The following PPP1R17 variants were observed in gnomAD, a reference collection of about 807,000 sequenced individuals.
PPP1R17 encodes G-substrate.
A neutral mutation model predicts 15.9 loss-of-function variants in PPP1R17; 12 were observed. The ratio of observed to expected loss-of-function variants is 0.75; its 90% CI spans 0.48 to 1.22. PPP1R17 has a LOEUF of 1.22. Ranked by LOEUF, PPP1R17 falls within the 50% of genes most tolerant of loss-of-function variation. The probability of loss-of-function intolerance (pLI) is 0.00; values close to 1 mark genes in which losing one functional copy is unlikely to be tolerated. For synonymous variants in PPP1R17, 63 were observed against 64.5 expected (o/e 0.98, Z 0.11); for missense variants, 211 against 187.3 (o/e 1.13, Z -0.74).
intron 1 of PPP1R17, 29 bp from the exon 2 acceptor site, chr7:31,692,377 C>A: frequency 7.7e-7 from 1 of 1,301,116 alleles, no homozygotes; most frequent in Admixed American, 1.8e-5. Flanking sequence ...CAGAGCCATA[C>A]TTATTAACTG....
rs777197826 is a variant in PPP1R17 at position 31,697,000 on chromosome 7, G to A, written c.271G>A (p.Val91Ile). The change falls in exon 4 of 5, where the codon GTT (valine) becomes ATT (isoleucine). Residue 91 changes from valine (V) to isoleucine (I), a missense_variant. By Grantham distance (29) the Val-to-Ile change is conservative. Coordinates refer to ENST00000342032, the MANE Select transcript of PPP1R17 (RefSeq NM_006658.5). The stretch of plus-strand genomic sequence containing the variant: ...AGAACATTTAATTAAAAGATACGAT[G>A]TTCAAGAGAGACATCCAAAGGGCAA... Reference protein sequence around the residue: ...FSEHLIKRYDVQERHPKGKMI... With the variant: ...FSEHLIKRYDIQERHPKGKMI... The A allele has an allele frequency of 3.7e-6, 6 of 1,614,140 alleles. No individual in the cohort carries two copies. The African/African-American group carries it at 4.0e-5, about 11-fold the overall frequency.
At chr7:31,693,344 T>C (rs993653635) in intron 2 of PPP1R17, among the ~76,000 whole-genome samples, 4 of 152,252 alleles carry the variant, frequency 2.6e-5, no homozygotes, top group African/African-American at 9.6e-5. Context: ...GCAGCATTCA[T>C]TTATTCAACA....
At chr7:31,694,917 G>A (rs1792512503) in intron 2 of PPP1R17, among the ~76,000 whole-genome samples, 1 of 152,182 alleles carries the variant, frequency 6.6e-6, no homozygotes, top group Non-Finnish European at 1.5e-5. Context: ...TGGGCAAATA[G>A]GAGGGTTACA....
At chr7:31,688,155 C>T (rs1370767356) in intron 1 of PPP1R17, among the ~76,000 whole-genome samples, 1 of 152,158 alleles carries the variant, frequency 6.6e-6, no homozygotes, top group African/African-American at 2.4e-5. Context: ...AGGACCTGGG[C>T]TCGGGACTCC....
intron 1 of PPP1R17, among the ~76,000 whole-genome samples, chr7:31,690,716 G>T (rs1366959439): frequency 6.6e-6 from 1 of 152,194 alleles, no homozygotes; most frequent in Non-Finnish European, 1.5e-5. Flanking sequence ...TACCTTTCAA[G>T]GGTCGGGGAG....
At chr7:31,696,939 C>T in intron 3 of PPP1R17, 26 bp from the exon 4 acceptor site, 1 of 1,610,114 alleles carries the variant, frequency 6.2e-7, no homozygotes, top group Non-Finnish European at 8.5e-7. Flanking sequence ...GATCCTGTTT[C>T]TCTCTGTGTT....
chr7:31,701,684 TGA>T (rs748356603), intron 4 of PPP1R17, among the ~76,000 whole-genome samples: 1 of 152,236 alleles, frequency 6.6e-6, no homozygotes, highest in Non-Finnish European at 1.5e-5. Context: ...ACTGTCATCT[TGA>T]GAGATTGCCA....
At chr7:31,701,812 A>G (rs1364080118) in intron 4 of PPP1R17, among the ~76,000 whole-genome samples, 2 of 152,244 alleles carry the variant, frequency 1.3e-5, no homozygotes, top group East Asian at 3.8e-4. Flanking sequence ...TTTTAGCAAT[A>G]AAGTATTTTT....
rs1793120830 is a variant in PPP1R17, at chr7:31,707,463, T to C, written c.*180T>C. The C allele has an allele frequency of 1.7e-6, 1 of 581,968 alleles. No individual in the cohort carries two copies. The highest frequency in any genetic ancestry group is 3.0e-6 in the Non-Finnish European group (1 of 328,822). The allele number at this position is 581,968 out of a possible 1,614,324, so 36.1% of individuals were successfully genotyped here. A position where few individuals can be genotyped will look rare whatever the true frequency, so the allele number is the denominator to read the frequency against. On this transcript the variant is annotated 3_prime_UTR_variant, in exon 5 of 5. Transcript: ENST00000342032. Reference sequence around the variant, plus strand: ...CAGTCACCTCTTTGTCTCTCTCTTCTTTCTGAGTATGGTTTCTATTCTGTG... The same window carrying C: ...CAGTCACCTCTTTGTCTCTCTCTTCCTTCTGAGTATGGTTTCTATTCTGTG...
rs1459978547 is a variant in PPP1R17 at position 31,697,111 on chromosome 7, G to C, written c.382G>C (p.Ala128Pro). ...DTPALHMSPF[A>P]AGVTLLRDER... ...ACCTGCCCTGCACATGTCCCCCTTTGCAGCAGGTAAAAAAGCTGGTGCAGG... is the reference window on the plus strand; with the variant it reads ...ACCTGCCCTGCACATGTCCCCCTTTCCAGCAGGTAAAAAAGCTGGTGCAGG... Residue 128 changes from alanine to proline, a missense_variant, in exon 4 of 5, where the codon GCA becomes CCA. Transcript: ENST00000342032. The C allele has an allele frequency of 6.2e-7, 1 of 1,613,602 alleles. No individual in the cohort carries two copies. The highest frequency in any genetic ancestry group is 1.7e-5 in the Admixed American group (1 of 59,932).
rs1019609926 is a variant in PPP1R17 at position 31,697,225 on chromosome 7, C to T, written c.388+108C>T. On this transcript the variant is annotated intron_variant, in intron 4 of 4. Coordinates refer to ENST00000342032, the MANE Select transcript of PPP1R17 (RefSeq NM_006658.5). Reference sequence around the variant, plus strand: ...GCCGTTGTCCTGCCCCAGCAAGCTGCGTTGTCCTGAAGTGCTCTGGGGAGA... The same window carrying T: ...GCCGTTGTCCTGCCCCAGCAAGCTGTGTTGTCCTGAAGTGCTCTGGGGAGA... 16 of 1,402,284 alleles carry T rather than the reference C, an allele frequency of 1.1e-5. No individual in the cohort carries two copies. The Admixed American group carries it at 1.7e-4, about 15-fold the overall frequency. The allele number at this position is 1,402,284 out of a possible 1,614,324, so 86.9% of individuals were successfully genotyped here. A position where few individuals can be genotyped will look rare whatever the true frequency, so the allele number is the denominator to read the frequency against.
chr7:31,701,742 C>T (rs576231731), intron 4 of PPP1R17, among the ~76,000 whole-genome samples: 2 of 152,318 alleles, frequency 1.3e-5, no homozygotes, highest in East Asian at 1.9e-4. Context: ...AGTCAGCAGC[C>T]GTCAACATTG....
In PPP1R17 at chr7:31,698,244, C is replaced by T. The variant is rs114477452; in HGVS notation, c.388+1127C>T. ...AAAAACAGCTCAGAAGAAGACATCA[C>T]GACAGAAACAGTCAGGGGCTTAAGA... On this transcript the variant is annotated intron_variant, in intron 4 of 4. Transcript: ENST00000342032. 8.4e-3 allele frequency among the ~76,000 whole-genome samples: 1,272 copies of T among 152,292 alleles called. 14 individuals carry two copies. The highest frequency in any genetic ancestry group is 0.029 in the African/African-American group (1,188 of 41,560).
chr7:31,695,829 A>T (rs372668217), intron 3 of PPP1R17: 1 of 394,990 alleles, frequency 2.5e-6, no homozygotes. Context: ...ATAAAAGTTT[A>T]TTTTTTTTAC....
chr7:31,707,635 G>A lies in PPP1R17; in HGVS notation c.*352G>A, dbSNP rs12669290. The stretch of plus-strand genomic sequence containing the variant: ...CGTGGATTACATGGGCTCCTTCTTG[G>A]TTTTTGCTGCTGGGCAGGACTTGAC... On this transcript the variant is annotated 3_prime_UTR_variant, in exon 5 of 5. Transcript: ENST00000342032. 0.066 allele frequency: 14,088 copies of A among 212,848 alleles called. 585 individuals are homozygous for A. The highest frequency in any genetic ancestry group is 0.087 in the Non-Finnish European group (9,291 of 106,902). The allele number at this position is 212,848 out of a possible 1,614,324, so 13.2% of individuals were successfully genotyped here. A position where few individuals can be genotyped will look rare whatever the true frequency, so the allele number is the denominator to read the frequency against.
At chr7:31,703,331 G>C (rs2128247106) in intron 4 of PPP1R17, among the ~76,000 whole-genome samples, 1 of 152,290 alleles carries the variant, frequency 6.6e-6, no homozygotes, top group East Asian at 1.9e-4. Flanking sequence ...GTTGAGCTCT[G>C]TTTACCTGGC....
At chr7:31,706,308 T>C (rs1793069682) in intron 4 of PPP1R17, among the ~76,000 whole-genome samples, 1 of 152,008 alleles carries the variant, frequency 6.6e-6, no homozygotes, top group South Asian at 2.1e-4. Flanking sequence ...CCCGGCCCAG[T>C]AAATTTTTAA....
chr7:31,705,859 A>C (rs28593313), intron 4 of PPP1R17, among the ~76,000 whole-genome samples: 5,074 of 152,072 alleles, frequency 0.033, 280 homozygotes, highest in African/African-American at 0.11. Flanking sequence ...CTTTGACCTT[A>C]CATTAAAATG....
intron 3 of PPP1R17, 119 bp from the exon 4 acceptor site, chr7:31,696,846 G>T: frequency 8.6e-7 from 1 of 1,156,930 alleles, no homozygotes; most frequent in Non-Finnish European, 1.2e-6. Context: ...CTTTATTAAA[G>T]TAAGTTTGGA....
Sources: gnomAD v4.1 joint callset for allele counts (sites outside exome capture counted in the v4.1 genomes callset) on GRCh38, gnomAD v4.1.1 for gene constraint, MANE v1.5 for transcripts, NCBI Gene and HGNC (gene_info 2026-07-23, HGNC 2026-07-21) for gene names.